ERC2: variants seen among roughly 807,000 people sequenced by gnomAD.
ERC2 encodes ELKS/RAB6-interacting/CAST family member 2, also known as ERC protein 2.
A neutral mutation model predicts 114.8 loss-of-function variants in ERC2; 42 were observed. That is an observed-to-expected ratio of 0.37 (90% CI 0.29 to 0.47). ERC2 has a LOEUF of 0.47. Among genes scored for constraint, ERC2 ranks in the 20% least tolerant of loss-of-function variants. The probability of loss-of-function intolerance (pLI) is 0.99; values close to 1 mark genes in which losing one functional copy is unlikely to be tolerated. For synonymous variants in ERC2, 454 were observed against 425.5 expected, an observed-to-expected ratio of 1.07 and a Z score of -0.82; for missense variants, 939 against 1,150.7, an observed-to-expected ratio of 0.82 and a Z score of 2.66.
intron 14 of ERC2, among the ~76,000 whole-genome samples, chr3:55,846,504 T>C (rs2061367709): frequency 6.6e-6 from 1 of 152,202 alleles, no homozygotes; most frequent in South Asian, 2.1e-4. Flanking sequence ...TTCTTTTGGA[T>C]ATATACCCAG....
At chr3:55,535,847 A>T (rs2053964422) in intron 17 of ERC2, among the ~76,000 whole-genome samples, 1 of 152,152 alleles carries the variant, frequency 6.6e-6, no homozygotes, top group African/African-American at 2.4e-5. Flanking sequence ...TACAAAAATT[A>T]GCCGGACATG....
chr3:55,809,742 A>G (rs1007792537), intron 14 of ERC2, among the ~76,000 whole-genome samples: 5 of 151,930 alleles, frequency 3.3e-5, no homozygotes, highest in African/African-American at 1.2e-4. Flanking sequence ...GCTGGTTGGC[A>G]TCCGTGCCTC....
At chr3:55,879,113 C>A (rs199570569) in intron 14 of ERC2, among the ~76,000 whole-genome samples, 3 of 7,504 alleles carry the variant, frequency 4.0e-4, no homozygotes, top group African/African-American at 1.5e-3. Context: ...TTTTTTTTGG[C>A]AGAGTTTCTG....
chr3:55,594,901 T>A (rs1268858483), intron 17 of ERC2, among the ~76,000 whole-genome samples: 1 of 152,032 alleles, frequency 6.6e-6, no homozygotes, highest in Non-Finnish European at 1.5e-5. Context: ...CTCATCACCA[T>A]CACCATCAAC....
chr3:55,523,977 C>A (rs1353013778), intron 17 of ERC2, among the ~76,000 whole-genome samples: 1 of 152,186 alleles, frequency 6.6e-6, no homozygotes, highest in Non-Finnish European at 1.5e-5. Flanking sequence ...TACTCCTTCC[C>A]CTTTCCATTT....
At chr3:56,398,076 C>G (rs1175210197) in intron 2 of ERC2, among the ~76,000 whole-genome samples, 3 of 152,152 alleles carry the variant, frequency 2.0e-5, no homozygotes, top group Non-Finnish European at 4.4e-5. Context: ...CTCCAGACAG[C>G]TATGTGCCCA....
intron 6 of ERC2, among the ~76,000 whole-genome samples, chr3:56,095,714 C>G (rs1241342099): frequency 6.6e-6 from 1 of 152,156 alleles, no homozygotes; most frequent in South Asian, 2.1e-4. Context: ...TAAGAGAAAT[C>G]TAGTTAGGCC....
intron 3 of ERC2, among the ~76,000 whole-genome samples, chr3:56,240,801 A>T (rs1190077395): frequency 6.6e-6 from 1 of 152,210 alleles, no homozygotes; most frequent in Non-Finnish European, 1.5e-5. Context: ...TGGAAAAACG[A>T]ATGACTTTAC....
At chr3:55,519,663 T>C (rs1445408592) in intron 17 of ERC2, among the ~76,000 whole-genome samples, 1 of 152,156 alleles carries the variant, frequency 6.6e-6, no homozygotes, top group East Asian at 1.9e-4. Flanking sequence ...CTGGGTTTGA[T>C]ATTATCTAGG....
chr3:56,287,549 A>G (rs1303661608), intron 3 of ERC2, among the ~76,000 whole-genome samples: 2 of 152,206 alleles, frequency 1.3e-5, no homozygotes, highest in Non-Finnish European at 2.9e-5. Context: ...ATAGTCCCCA[A>G]TTCAACAGGC....
intron 12 of ERC2, among the ~76,000 whole-genome samples, chr3:55,982,531 G>T (rs1316887136): frequency 6.6e-6 from 1 of 151,892 alleles, no homozygotes; most frequent in Admixed American, 6.6e-5. Flanking sequence ...ATGTATTACT[G>T]TTGCTGCTTC....
At chr3:56,087,179 TTGTGTGTGTG>T (rs59471652) in intron 6 of ERC2, among the ~76,000 whole-genome samples, 5,615 of 147,462 alleles carry the variant, frequency 0.038, 144 homozygotes, top group African/African-American at 0.072. Context: ...TTTGATCCAT[TTGTGTGTGTG>T]TGTGTGTGTG....
At chr3:56,172,688 ATACTT>A (rs1156802189) in intron 4 of ERC2, among the ~76,000 whole-genome samples, 1 of 152,234 alleles carries the variant, frequency 6.6e-6, no homozygotes, top group Non-Finnish European at 1.5e-5. Flanking sequence ...ATTGAGATAA[ATACTT>A]TACTATTTGC....
chr3:56,248,584 G>A lies in ERC2; in HGVS notation c.1074+47435C>T, dbSNP rs1342709172. On this transcript the variant is annotated intron_variant, in intron 3 of 17. Transcript: ENST00000288221. ...AGCTCCCTACTCTGCTTTCAATAGC[G>A]TCCCATCCTTGCCAACAATTATGCA... 3.9e-5 allele frequency among the ~76,000 whole-genome samples: 6 copies of A among 152,078 alleles called. No homozygotes were observed. The East Asian group carries it at 5.8e-4, about 15-fold the overall frequency.
chr3:56,354,580 G>A (rs1215205461), intron 2 of ERC2, among the ~76,000 whole-genome samples: 1 of 152,056 alleles, frequency 6.6e-6, no homozygotes, highest in Non-Finnish European at 1.5e-5. Context: ...ATCCTAATAT[G>A]TATCACTGTA....
intron 14 of ERC2, among the ~76,000 whole-genome samples, chr3:55,801,477 A>G (rs1348586863): frequency 2.0e-5 from 3 of 152,216 alleles, no homozygotes; most frequent in Non-Finnish European, 4.4e-5. Flanking sequence ...AGAGAGCCAA[A>G]GGTTTGTCTA....
chr3:56,167,257 C>T (rs1407044843), intron 4 of ERC2, among the ~76,000 whole-genome samples: 1 of 152,092 alleles, frequency 6.6e-6, no homozygotes, highest in Non-Finnish European at 1.5e-5. Context: ...TCCTTAAAGA[C>T]TTAGAACTCA....
chr3:55,578,777 C>A (rs1250913185), intron 17 of ERC2, among the ~76,000 whole-genome samples: 1 of 152,152 alleles, frequency 6.6e-6, no homozygotes, highest in East Asian at 1.9e-4. Context: ...CTGTGCTGAT[C>A]TTGGCAGGGC....
At chr3:56,005,043 T>C (rs1450957592) in intron 10 of ERC2, among the ~76,000 whole-genome samples, 1 of 151,894 alleles carries the variant, frequency 6.6e-6, no homozygotes, top group African/African-American at 2.4e-5. Flanking sequence ...ACTGAAAAAA[T>C]ATTTTAAACT....
Sources: gnomAD v4.1 joint callset for allele counts (sites outside exome capture counted in the v4.1 genomes callset) on GRCh38, gnomAD v4.1.1 for gene constraint, MANE v1.5 for transcripts, NCBI Gene and HGNC (gene_info 2026-07-23, HGNC 2026-07-21) for gene names.